CDYL: variants seen among roughly 807,000 people sequenced by gnomAD.
CDYL encodes chromodomain Y like.
Under a neutral mutation model 47.3 loss-of-function variants are expected in CDYL, and 8 were observed. The observed-to-expected ratio is 0.17, with a 90% CI of 0.10 to 0.31. The LOEUF (loss-of-function observed/expected upper bound fraction) is 0.31, where lower values mean the gene tolerates loss of function less well. Ranked by LOEUF, CDYL falls within the 10% of genes least tolerant of loss-of-function variation. The pLI is 1.00. For missense variants in CDYL, 471 were observed against 701.4 expected, an observed-to-expected ratio of 0.67 and a Z score of 3.71; for synonymous variants, 266 against 265.0, an observed-to-expected ratio of 1.00 and a Z score of -0.04.
intron 2 of CDYL, among the ~76,000 whole-genome samples, chr6:4,914,988 A>G (rs969517259): frequency 6.6e-6 from 1 of 152,110 alleles, no homozygotes; most frequent in African/African-American, 2.4e-5. Context: ...GCCTTTATTC[A>G]CTGTGCCCTG....
chr6:4,744,845 CT>C (rs560667652), intron 3 of CDYL, among the ~76,000 whole-genome samples: 215 of 150,152 alleles, frequency 1.4e-3, no homozygotes, highest in Middle Eastern at 0.01. Flanking sequence ...TAGATTTGAG[CT>C]TTTTTTTTTC....
At chr6:4,888,360 G>A (rs1761954211) in intron 1 of CDYL, among the ~76,000 whole-genome samples, 1 of 151,780 alleles carries the variant, frequency 6.6e-6, no homozygotes, top group South Asian at 2.1e-4. Context: ...GATTTTCTTG[G>A]TTCATTTTGA....
At chr6:4,819,040 G>A (rs1236599288) in intron 1 of CDYL, among the ~76,000 whole-genome samples, 3 of 151,694 alleles carry the variant, frequency 2.0e-5, no homozygotes, top group African/African-American at 7.3e-5. Flanking sequence ...GGGAGTCTGA[G>A]TATTGTCCAT....
At chr6:4,923,541 A>G (rs1757777620) in intron 2 of CDYL, among the ~76,000 whole-genome samples, 1 of 152,144 alleles carries the variant, frequency 6.6e-6, no homozygotes, top group African/African-American at 2.4e-5. Context: ...GGGAGTGCAG[A>G]TGCCTCTTTG....
chr6:4,866,263 T>C (rs1761319438), intron 1 of CDYL, among the ~76,000 whole-genome samples: 1 of 152,188 alleles, frequency 6.6e-6, no homozygotes, highest in Non-Finnish European at 1.5e-5. Flanking sequence ...TTTTCTTTGT[T>C]TTCTTTAAGA....
intron 2 of CDYL, among the ~76,000 whole-genome samples, chr6:4,931,059 TTGAGGTAA>T (rs575906372): frequency 2.6e-4 from 40 of 152,172 alleles, no homozygotes; most frequent in Non-Finnish European, 2.4e-4. Context: ...CTGGCTTGGG[TTGAGGTAA>T]TGAGCTGTGT....
intron 1 of CDYL, among the ~76,000 whole-genome samples, chr6:4,837,466 G>T (rs867042523): frequency 3.0e-4 from 41 of 136,754 alleles, no homozygotes; most frequent in Admixed American, 1.8e-3. Context: ...TGTTGTCGTT[G>T]TTTTTTTTTT....
chr6:4,927,320 A>G (rs930994212), intron 2 of CDYL, among the ~76,000 whole-genome samples: 1 of 151,148 alleles, frequency 6.6e-6, no homozygotes, highest in Non-Finnish European at 1.5e-5. Flanking sequence ...CTAAATTGCC[A>G]TATTTTAAAG....
chr6:4,896,634 C>A (rs1762292210), intron 2 of CDYL, among the ~76,000 whole-genome samples: 1 of 152,208 alleles, frequency 6.6e-6, no homozygotes, highest in Non-Finnish European at 1.5e-5. Flanking sequence ...CACATGCTTC[C>A]TGAATGAGGA....
intron 1 of CDYL, among the ~76,000 whole-genome samples, chr6:4,713,311 T>C (rs1028585845): frequency 2.0e-5 from 3 of 151,990 alleles, no homozygotes; most frequent in East Asian, 3.9e-4. Context: ...ATGCTGTCAA[T>C]AGGAGTGGCG....
At chr6:4,857,646 C>G (rs1761049204) in intron 1 of CDYL, among the ~76,000 whole-genome samples, 1 of 152,160 alleles carries the variant, frequency 6.6e-6, no homozygotes, top group South Asian at 2.1e-4. Context: ...ATAGGCAGGT[C>G]TCCAGGGCAT....
intron 2 of CDYL, among the ~76,000 whole-genome samples, chr6:4,925,941 A>G (rs976539098): frequency 2.0e-5 from 3 of 152,220 alleles, no homozygotes; most frequent in South Asian, 2.1e-4. Flanking sequence ...TATGCGCTTC[A>G]TGTAGATTTA....
intron 1 of CDYL, among the ~76,000 whole-genome samples, chr6:4,815,207 A>G (rs920626649): frequency 2.0e-5 from 3 of 152,206 alleles, no homozygotes; most frequent in African/African-American, 7.2e-5. Flanking sequence ...ATATGCCTGA[A>G]TATGTATGTA....
At chr6:4,909,593 G>A (rs771330056) in intron 2 of CDYL, among the ~76,000 whole-genome samples, 12 of 151,726 alleles carry the variant, frequency 7.9e-5, no homozygotes, top group Non-Finnish European at 1.3e-4. Context: ...TTTTTGAGAC[G>A]GAGTCTCCCT....
chr6:4,769,129 G>A (rs1246628542), intron 3 of CDYL, among the ~76,000 whole-genome samples: 5 of 151,972 alleles, frequency 3.3e-5, no homozygotes, highest in Non-Finnish European at 7.4e-5. Context: ...GGGATCCCGG[G>A]GCAGAAAAAA....
intron 2 of CDYL, chr6:4,724,667 TGA>T (rs1561825241): frequency 6.6e-6 from 1 of 152,284 alleles, no homozygotes; most frequent in African/African-American, 2.4e-5. Flanking sequence ...ACCTTCGCAG[TGA>T]GTGTTACAGC....
intron 2 of CDYL, among the ~76,000 whole-genome samples, chr6:4,728,872 C>T (rs546456768): frequency 6.6e-6 from 1 of 152,280 alleles, no homozygotes; most frequent in Non-Finnish European, 1.5e-5. Flanking sequence ...TCTCTACAAT[C>T]CAGCTTTAAC....
chr6:4,894,894 TATAC>T (rs1762160662), intron 2 of CDYL, among the ~76,000 whole-genome samples: 1 of 150,720 alleles, frequency 6.6e-6, no homozygotes, highest in African/African-American at 2.4e-5. Flanking sequence ...TGTGTGTATA[TATAC>T]ACACGTACGT....
intron 1 of CDYL, among the ~76,000 whole-genome samples, chr6:4,797,878 T>G (rs182634635): frequency 2.8e-4 from 43 of 152,362 alleles, no homozygotes; most frequent in Admixed American, 2.7e-3. Context: ...ATTATGAATA[T>G]GAGCATTCAT....
Sources: gnomAD v4.1 joint callset for allele counts (sites outside exome capture counted in the v4.1 genomes callset) on GRCh38, gnomAD v4.1.1 for gene constraint, MANE v1.5 for transcripts, NCBI Gene and HGNC (gene_info 2026-07-23, HGNC 2026-07-21) for gene names.